MAP9: variants seen among roughly 807,000 people sequenced by gnomAD.
MAP9 encodes microtubule associated protein 9.
A neutral mutation model predicts 75.2 loss-of-function variants in MAP9; 80 were observed. The observed-to-expected ratio is 1.06, with a 90% CI of 0.89 to 1.28. The LOEUF (loss-of-function observed/expected upper bound fraction) is 1.28. Among genes scored for constraint, MAP9 ranks in the 50% most tolerant of loss-of-function variants. The probability of loss-of-function intolerance (pLI) is 0.00; values close to 1 mark genes in which losing one functional copy is unlikely to be tolerated. For missense variants in MAP9, 753 were observed against 719.9 expected (o/e 1.05, Z -0.53); for synonymous variants, 235 against 237.3 (o/e 0.99, Z 0.09).
chr4:155,357,205 ATT>A, intron 8 of MAP9: 1 of 431,946 alleles, frequency 2.3e-6, no homozygotes, highest in Admixed American at 4.1e-5. Context: ...GAGCAAAGGT[ATT>A]GCATAAACAT....
At position 155,347,348 on chromosome 4, in the gene MAP9, C is replaced by T. The variant is rs1347161622; in HGVS notation, c.*435G>A. 6.5e-6 allele frequency: 1 copy of T among 153,600 alleles called. No individual in the cohort carries two copies. The highest frequency in any genetic ancestry group is 2.4e-5 in the African/African-American group (1 of 41,486). 9.5% of individuals were successfully genotyped at this position (153,600 alleles called of 1,614,324 possible). On this transcript the variant is annotated 3_prime_UTR_variant, in exon 14 of 14. Transcript: ENST00000311277. ...TTTCAGAAGGAATAATATATGCGCA[C>T]TTCCCAGCGACCCTTCATTTAAAAA...
At chr4:155,361,006 A>G (rs1314963452) in intron 6 of MAP9, 3 of 152,138 alleles carry the variant, frequency 2.0e-5, no homozygotes, top group African/African-American at 7.2e-5. Flanking sequence ...AACAGGCTCA[A>G]GCTCTGGCAT....
Position 155,375,031 on chromosome 4 carries a change from G to A in MAP9, c.76-10C>T. 6.5e-7 allele frequency: 1 copy of A among 1,544,552 alleles called. No homozygotes were observed. Among genetic ancestry groups the A allele is most frequent in the Non-Finnish European group, 8.8e-7 (1 of 1,130,268 alleles). On this transcript the variant is annotated splice_polypyrimidine_tract_variant and intron_variant, in intron 2 of 13. Transcript: ENST00000311277. ...CTCTTATTAGCTCATCCTGAAATGA[G>A]ATACTGAAATCAATTTCCATCCAAA... is the stretch of plus-strand genomic sequence containing the variant.
At chr4:155,372,905 G>GCAA (rs1230555033) in intron 4 of MAP9, 1 of 318,502 alleles carries the variant, frequency 3.1e-6, no homozygotes, top group East Asian at 5.9e-5. Context: ...TTTCTATCAG[G>GCAA]CAACAGCCTA....
chr4:155,372,172 T>C (rs181775749), intron 4 of MAP9, among the ~76,000 whole-genome samples: 39 of 152,286 alleles, frequency 2.6e-4, no homozygotes, highest in African/African-American at 9.1e-4. Flanking sequence ...CATTTCAAAG[T>C]TAATGAGATT....
chr4:155,358,372 T>A (rs1359594595), intron 7 of MAP9, among the ~76,000 whole-genome samples: 3 of 152,162 alleles, frequency 2.0e-5, no homozygotes, highest in Non-Finnish European at 4.4e-5. Flanking sequence ...TTAGCAGTAG[T>A]GTTTTTTTCC....
chr4:155,370,524 C>T (rs1456990540), intron 4 of MAP9, among the ~76,000 whole-genome samples: 1 of 152,166 alleles, frequency 6.6e-6, no homozygotes, highest in Admixed American at 6.5e-5. Flanking sequence ...ATACCTTTAC[C>T]TAAGCTGATC....
intron 13 of MAP9, among the ~76,000 whole-genome samples, chr4:155,348,144 T>C (rs1483515405): frequency 6.6e-6 from 1 of 152,066 alleles, no homozygotes; most frequent in Non-Finnish European, 1.5e-5. Flanking sequence ...GAGACCAGCC[T>C]GGGAAACATG....
At chr4:155,366,957 A>T (rs1013287282) in intron 5 of MAP9, among the ~76,000 whole-genome samples, 1 of 152,218 alleles carries the variant, frequency 6.6e-6, no homozygotes, top group Non-Finnish European at 1.5e-5. Context: ...TGGTAACATT[A>T]TAAGAAAAAA....
intron 10 of MAP9, 151 bp from the exon 11 acceptor site, chr4:155,353,491 T>C (rs377394173): frequency 7.8e-6 from 5 of 639,398 alleles, no homozygotes; most frequent in South Asian, 7.1e-5. Context: ...GTAGGTAATT[T>C]ATTTAGAATG....
intron 8 of MAP9, 46 bp from the exon 9 acceptor site, chr4:155,355,930 T>C (rs769643271): frequency 2.6e-6 from 4 of 1,516,820 alleles, no homozygotes; most frequent in South Asian, 1.2e-5. Flanking sequence ...CAATTGCATT[T>C]GGTAGAAGAG....
At chr4:155,369,694 T>A (rs758898559) in intron 4 of MAP9, among the ~76,000 whole-genome samples, 83 of 152,298 alleles carry the variant, frequency 5.4e-4, no homozygotes, top group Non-Finnish European at 8.8e-4. Flanking sequence ...ACAAAGATGA[T>A]GATGTTGGCA....
Position 155,373,128 on chromosome 4 carries a change from C to A in MAP9, c.481+8G>T, listed in dbSNP as rs1732675952. ...AGAAATGCAATTACAGTAATCCTAACAAATTACCTGAAGATGTGCTTTTAA... is the reference window on the plus strand; with the variant it reads ...AGAAATGCAATTACAGTAATCCTAAAAAATTACCTGAAGATGTGCTTTTAA... On this transcript the variant is annotated splice_region_variant and intron_variant, in intron 4 of 13. Coordinates refer to ENST00000311277, the MANE Select transcript of MAP9 (RefSeq NM_001039580.2). 2 of 1,514,220 alleles carry A rather than the reference C, an allele frequency of 1.3e-6. No individual in the cohort carries two copies. The highest frequency in any genetic ancestry group is 4.2e-5 in the Admixed American group (2 of 47,376). The allele number at this position is 1,514,220 out of a possible 1,614,324, so 93.8% of individuals were successfully genotyped here. A position where few individuals can be genotyped will look rare whatever the true frequency, so the allele number is the denominator to read the frequency against.
rs1194654169 is a variant in MAP9 at position 155,342,903 on chromosome 4, T to A, written c.*4880A>T. ...ATAAATTCTTATTTAATTTTATAGC[T>A]TTAATGCGGTCCATCATTTCTAATA... is the stretch of plus-strand genomic sequence containing the variant. On this transcript the variant is annotated 3_prime_UTR_variant, in exon 14 of 14. Transcript: ENST00000311277. 2.6e-5 allele frequency: 4 copies of A among 151,992 alleles called. No homozygotes were observed. Among genetic ancestry groups the A allele is most frequent in the Non-Finnish European group, 2.9e-5 (2 of 67,930 alleles). 9.4% of individuals were successfully genotyped at this position (151,992 alleles called of 1,614,324 possible).
chr4:155,355,957 G>A, intron 8 of MAP9, 73 bp from the exon 9 acceptor site: 2 of 1,330,404 alleles, frequency 1.5e-6, no homozygotes, highest in Non-Finnish European at 2.1e-6. Context: ...GTTAGAATAT[G>A]CACGTATAAT....
Position 155,353,286 on chromosome 4 carries a change from T to C in MAP9, c.1435A>G (p.Met479Val), listed in dbSNP as rs999887143. 5 of 1,608,392 alleles carry C rather than the reference T, an allele frequency of 3.1e-6. No individual in the cohort carries two copies. The highest frequency in any genetic ancestry group is 4.2e-6 in the Non-Finnish European group (5 of 1,178,188). ...ALASFEAWKA[M>V]KEKEAKKIAA... ...ATTTTCTTTGCTTCCTTTTCTTTCA[T>C]AGCCTTCCAGGCCTCAAATGATGCT... Residue 479 changes from methionine to valine, a missense_variant, in exon 11 of 14, where the codon ATG becomes GTG. Met to Val is a conservative substitution (Grantham distance 21, BLOSUM62 1). Transcript: ENST00000311277.
At position 155,353,227 on chromosome 4, in the gene MAP9, C is replaced by T. The variant is rs2111200009; in HGVS notation, c.1494G>A (p.Lys498=). The T allele has an allele frequency of 2.5e-6, 4 of 1,605,832 alleles. No homozygotes were observed. The highest frequency in any genetic ancestry group is 8.5e-7 in the Non-Finnish European group (1 of 1,176,846). ...AAKKRLEEKN[K]KKTEEENAAR... ...CAGCATTTTCTTCTTCAGTTTTCTT[C>T]TTGTTTTTTTCTTCAAGCCTCTTTT... Residue 498 remains lysine (K), a synonymous_variant, in exon 11 of 14, where the codon AAG becomes AAA. Coordinates refer to ENST00000311277, the MANE Select transcript of MAP9 (RefSeq NM_001039580.2).
chr4:155,352,751 C>T, intron 12 of MAP9, 23 bp from the exon 13 acceptor site: 1 of 1,482,326 alleles, frequency 6.7e-7, no homozygotes. Flanking sequence ...GTATAAAACA[C>T]TGGAGAGTTA....
chr4:155,357,592 C>A, intron 7 of MAP9, 73 bp from the exon 8 acceptor site: 1 of 815,562 alleles, frequency 1.2e-6, no homozygotes, highest in Non-Finnish European at 2.1e-6. Flanking sequence ...GCCAAACTGC[C>A]AGTAAATCAC....
Sources: allele counts gnomAD v4.1 joint callset (sites outside exome capture counted in the v4.1 genomes callset), GRCh38; gene constraint gnomAD v4.1.1; transcripts MANE v1.5; gene names NCBI Gene and HGNC (gene_info 2026-07-23, HGNC 2026-07-21).